Variants in CADM1 observed in about 807,000 individuals in gnomAD.
CADM1 encodes cell adhesion molecule 1, also known as TSLC-1.
CADM1 carries 15 observed loss-of-function variants against 53.1 expected under a neutral mutation model. The observed-to-expected ratio is 0.28, with a 90% CI of 0.19 to 0.44. The LOEUF (loss-of-function observed/expected upper bound fraction) is 0.44. Among genes scored for constraint, CADM1 ranks in the 20% least tolerant of loss-of-function variants. The pLI, the probability that CADM1 is intolerant of heterozygous loss-of-function variation, is 1.00. For synonymous variants in CADM1, 281 were observed against 243.0 expected, an observed-to-expected ratio of 1.16 and a Z score of -1.45; for missense variants, 434 against 611.3, an observed-to-expected ratio of 0.71 and a Z score of 3.06.
intron 1 of CADM1, among the ~76,000 whole-genome samples, chr11:115,383,813 A>T (rs1192355218): frequency 2.6e-5 from 4 of 152,192 alleles, no homozygotes; most frequent in Admixed American, 2.6e-4. Flanking sequence ...CAAATGGCTG[A>T]TCTTTATTCT....
intron 4 of CADM1, among the ~76,000 whole-genome samples, chr11:115,229,549 T>C (rs1941744647): frequency 6.6e-6 from 1 of 152,166 alleles, no homozygotes; most frequent in Non-Finnish European, 1.5e-5. Flanking sequence ...GGTTTTTCTA[T>C]CTTAAAACCT....
At chr11:115,359,969 G>A (rs901697691) in intron 1 of CADM1, among the ~76,000 whole-genome samples, 3 of 152,112 alleles carry the variant, frequency 2.0e-5, no homozygotes, top group African/African-American at 7.2e-5. Flanking sequence ...CACATGTTGA[G>A]AGCCTTGAAT....
At position 115,463,014 on chromosome 11, in the gene CADM1, C is replaced by A. The variant is rs2135377027; in HGVS notation, c.124+41257G>T. On this transcript the variant is annotated intron_variant, in intron 1 of 11. Transcript: ENST00000331581. ...AATAAATTGAGCTAGAGCTCATGGGCTCCTGTAAAATAGGCACTTGGAGAT... is the reference window on the plus strand; with the variant it reads ...AATAAATTGAGCTAGAGCTCATGGGATCCTGTAAAATAGGCACTTGGAGAT... Among the ~76,000 whole-genome samples, 3 of 152,274 alleles carry A rather than the reference C, an allele frequency of 2.0e-5. No individual in the cohort carries two copies. The East Asian group carries it at 5.8e-4, about 29-fold the overall frequency.
At chr11:115,229,583 T>C (rs1941745514) in intron 4 of CADM1, among the ~76,000 whole-genome samples, 1 of 152,180 alleles carries the variant, frequency 6.6e-6, no homozygotes, top group Non-Finnish European at 1.5e-5. Flanking sequence ...AGCTGAAAGT[T>C]GAAACATTCT....
At chr11:115,299,798 AGCCGCC>A (rs1417985485) in intron 1 of CADM1, among the ~76,000 whole-genome samples, 2 of 152,112 alleles carry the variant, frequency 1.3e-5, no homozygotes, top group African/African-American at 2.4e-5. Context: ...CTGACACTTT[AGCCGCC>A]ATTTTCTCTT....
intron 1 of CADM1, among the ~76,000 whole-genome samples, chr11:115,426,994 G>A (rs192986656): frequency 6.6e-6 from 1 of 151,946 alleles, no homozygotes; most frequent in Non-Finnish European, 1.5e-5. Flanking sequence ...ATAATGAAAC[G>A]ATCTTTAGTT....
At chr11:115,215,350 C>T (rs748880355) in intron 6 of CADM1, among the ~76,000 whole-genome samples, 5 of 152,136 alleles carry the variant, frequency 3.3e-5, no homozygotes, top group African/African-American at 4.8e-5. Context: ...TCCCTTTAAC[C>T]CCTCCCCATA....
At chr11:115,387,081 T>C (rs1370271072) in intron 1 of CADM1, among the ~76,000 whole-genome samples, 1 of 152,202 alleles carries the variant, frequency 6.6e-6, no homozygotes, top group East Asian at 1.9e-4. Flanking sequence ...ACTTGCCTTA[T>C]CTGTGAACCA....
chr11:115,412,065 T>G (rs1947472644), intron 1 of CADM1, among the ~76,000 whole-genome samples: 1 of 152,196 alleles, frequency 6.6e-6, no homozygotes, highest in Non-Finnish European at 1.5e-5. Context: ...CTTTTTATTC[T>G]CAAAACTAAG....
intron 1 of CADM1, among the ~76,000 whole-genome samples, chr11:115,264,967 G>A (rs962382694): frequency 2.6e-5 from 4 of 152,114 alleles, no homozygotes; most frequent in African/African-American, 9.7e-5. Context: ...CAACACCACA[G>A]TATTTCTCCA....
chr11:115,223,955 G>A (rs1276659343), intron 5 of CADM1, among the ~76,000 whole-genome samples: 9 of 53,412 alleles, frequency 1.7e-4, no homozygotes, highest in African/African-American at 2.0e-4. Context: ...AGCGTATTCC[G>A]TTTAAAAAAA....
intron 2 of CADM1, among the ~76,000 whole-genome samples, chr11:115,239,734 T>C (rs1325081767): frequency 6.6e-6 from 1 of 151,102 alleles, no homozygotes; most frequent in African/African-American, 2.4e-5. Context: ...TTTCAAAAGA[T>C]TTGATTCTTG....
At chr11:115,274,342 T>C (rs1943385555) in intron 1 of CADM1, among the ~76,000 whole-genome samples, 1 of 152,248 alleles carries the variant, frequency 6.6e-6, no homozygotes, top group Non-Finnish European at 1.5e-5. Flanking sequence ...CCGCACACTG[T>C]GTTAACAGTT....
chr11:115,420,068 T>C (rs2135267979), intron 1 of CADM1, among the ~76,000 whole-genome samples: 3 of 152,330 alleles, frequency 2.0e-5, no homozygotes, highest in African/African-American at 7.2e-5. Flanking sequence ...AATATGCACA[T>C]GCCCAGGGTC....
chr11:115,482,551 A>T (rs747379840), intron 1 of CADM1, among the ~76,000 whole-genome samples: 8 of 152,140 alleles, frequency 5.3e-5, no homozygotes, highest in Non-Finnish European at 1.0e-4. Context: ...CTCTATATTC[A>T]CTGTAGCCCA....
At chr11:115,326,875 T>C (rs920585889) in intron 1 of CADM1, among the ~76,000 whole-genome samples, 4 of 152,102 alleles carry the variant, frequency 2.6e-5, no homozygotes, top group Non-Finnish European at 5.9e-5. Context: ...GAGGGTGAAA[T>C]TTTACTATCA....
intron 1 of CADM1, among the ~76,000 whole-genome samples, chr11:115,282,477 C>T (rs890110689): frequency 6.6e-6 from 1 of 152,158 alleles, no homozygotes; most frequent in African/African-American, 2.4e-5. Flanking sequence ...TAAGTTCTGA[C>T]GACACTATAG....
At chr11:115,496,617 T>C (rs1306916160) in intron 1 of CADM1, among the ~76,000 whole-genome samples, 2 of 152,212 alleles carry the variant, frequency 1.3e-5, no homozygotes, top group East Asian at 1.9e-4. Flanking sequence ...GAATGGGAAA[T>C]GTTATGATCC....
intron 1 of CADM1, among the ~76,000 whole-genome samples, chr11:115,252,085 TA>T (rs781131240): frequency 8.5e-5 from 13 of 152,188 alleles, no homozygotes; most frequent in Admixed American, 5.9e-4. Context: ...TTTTCACTAA[TA>T]GGGGGCAGCT....
Sources: allele counts gnomAD v4.1 joint callset (sites outside exome capture counted in the v4.1 genomes callset), GRCh38; gene constraint gnomAD v4.1.1; transcripts MANE v1.5; gene names NCBI Gene and HGNC (gene_info 2026-07-23, HGNC 2026-07-21).